The following PID1 variants were observed in gnomAD, a reference collection of about 807,000 sequenced individuals.
The protein encoded by PID1 is PTB-containing, cubilin and LRP1-interacting protein.
Under a neutral mutation model 19.1 loss-of-function variants are expected in PID1, and 10 were observed. The observed-to-expected ratio is 0.52, with a 90% CI of 0.32 to 0.89. The LOEUF is 0.89. Ranked by LOEUF, PID1 falls within the 40% of genes least tolerant of loss-of-function variation. PID1 has a pLI of 0.03. For missense variants in PID1, 248 were observed against 285.3 expected, an observed-to-expected ratio of 0.87 and a Z score of 0.94; for synonymous variants, 130 against 116.0, an observed-to-expected ratio of 1.12 and a Z score of -0.78.
chr2:229,220,787 AAATC>A (rs1691951176), intron 1 of PID1, among the ~76,000 whole-genome samples: 1 of 152,214 alleles, frequency 6.6e-6, no homozygotes, highest in Non-Finnish European at 1.5e-5. Flanking sequence ...AAAACTAAAT[AAATC>A]AAACAGTAAT....
intron 1 of PID1, among the ~76,000 whole-genome samples, chr2:229,265,010 C>G (rs1690556048): frequency 6.6e-6 from 1 of 152,216 alleles, no homozygotes; most frequent in East Asian, 1.9e-4. Context: ...ATACCAAAAT[C>G]TCTGCAAAGC....
intron 2 of PID1, among the ~76,000 whole-genome samples, chr2:229,074,718 A>C (rs1694523535): frequency 1.3e-5 from 2 of 152,220 alleles, no homozygotes. Context: ...TATCAAATAG[A>C]TTTCAGAAAT....
chr2:229,149,715 C>CGGCTTT (rs1319090804), intron 2 of PID1, among the ~76,000 whole-genome samples: 2 of 152,146 alleles, frequency 1.3e-5, no homozygotes, highest in African/African-American at 4.8e-5. Flanking sequence ...ATGACCGTAG[C>CGGCTTT]GGCTTTAGAC....
intron 2 of PID1, among the ~76,000 whole-genome samples, chr2:229,125,405 CA>C (rs5839305): frequency 0.75 from 107,868 of 144,390 alleles, 40,023 homozygotes; most frequent in East Asian, 0.98. Context: ...TTCAAGTAGC[CA>C]AAAAAAAAAA....
At chr2:229,259,114 T>A (rs914762769) in intron 1 of PID1, among the ~76,000 whole-genome samples, 4 of 152,018 alleles carry the variant, frequency 2.6e-5, no homozygotes, top group Non-Finnish European at 5.9e-5. Context: ...CATTATGATT[T>A]TAATTCACAT....
At chr2:229,199,613 A>G (rs1439418511) in intron 1 of PID1, among the ~76,000 whole-genome samples, 1 of 151,796 alleles carries the variant, frequency 6.6e-6, no homozygotes, top group Non-Finnish European at 1.5e-5. Flanking sequence ...ACTAGGAAGC[A>G]TTGGATTTAT....
At chr2:229,186,065 A>G (rs1445954326) in intron 1 of PID1, among the ~76,000 whole-genome samples, 4 of 152,190 alleles carry the variant, frequency 2.6e-5, no homozygotes, top group African/African-American at 9.7e-5. Context: ...GCCAAAACAA[A>G]GGGACTACAT....
At chr2:229,064,497 T>C (rs1208602835) in intron 2 of PID1, among the ~76,000 whole-genome samples, 2 of 152,190 alleles carry the variant, frequency 1.3e-5, no homozygotes, top group East Asian at 3.8e-4. Flanking sequence ...TAGACATTAT[T>C]GTTTTTCAAG....
chr2:229,066,612 G>A (rs926000361), intron 2 of PID1, among the ~76,000 whole-genome samples: 1 of 151,856 alleles, frequency 6.6e-6, no homozygotes, highest in Non-Finnish European at 1.5e-5. Context: ...ATGATACTTG[G>A]GCTGGATTTG....
chr2:229,192,113 C>A (rs1280431225), intron 1 of PID1, among the ~76,000 whole-genome samples: 1 of 151,358 alleles, frequency 6.6e-6, no homozygotes, highest in African/African-American at 2.4e-5. Flanking sequence ...AAAGCCAAAC[C>A]AAAAAAATAC....
intron 1 of PID1, chr2:229,228,062 T>C (rs781045636): frequency 3.3e-5 from 15 of 455,862 alleles, no homozygotes; most frequent in Middle Eastern, 3.3e-4. Context: ...GCAGCAGCCA[T>C]CCTGCAACCA....
chr2:229,262,557 A>G, intron 1 of PID1: 2 of 1,367,308 alleles, frequency 1.5e-6, no homozygotes, highest in East Asian at 2.6e-5. Context: ...CCTACATCAC[A>G]GAAGTAGAGT....
chr2:229,201,493 G>A (rs1370382153), intron 1 of PID1, among the ~76,000 whole-genome samples: 1 of 151,984 alleles, frequency 6.6e-6, no homozygotes, highest in African/African-American at 2.4e-5. Context: ...TCCACTGTAT[G>A]GATTTACCAC....
intron 2 of PID1, among the ~76,000 whole-genome samples, chr2:229,138,305 T>C (rs924727703): frequency 6.6e-6 from 1 of 152,194 alleles, no homozygotes; most frequent in Non-Finnish European, 1.5e-5. Context: ...TCAGTGCTTA[T>C]AAAAATTGTA....
intron 1 of PID1, among the ~76,000 whole-genome samples, chr2:229,197,519 A>G (rs1691402936): frequency 1.3e-5 from 2 of 152,014 alleles, no homozygotes; most frequent in South Asian, 2.1e-4. Flanking sequence ...ATGTAATCGC[A>G]TATTATGAAT....
At chr2:229,231,872 G>T in intron 1 of PID1, 2 of 1,548,130 alleles carry the variant, frequency 1.3e-6, no homozygotes, top group South Asian at 2.4e-5. Context: ...CTGCTATAAC[G>T]AAATACCACA....
chr2:229,204,245 A>G (rs558026304), intron 1 of PID1, among the ~76,000 whole-genome samples: 1 of 152,232 alleles, frequency 6.6e-6, no homozygotes, highest in Non-Finnish European at 1.5e-5. Context: ...GAGCGTGACA[A>G]GCAAGAAATG....
At chr2:229,092,442 A>G (rs897573302) in intron 2 of PID1, among the ~76,000 whole-genome samples, 1 of 152,192 alleles carries the variant, frequency 6.6e-6, no homozygotes, top group African/African-American at 2.4e-5. Context: ...TGATGGAGAA[A>G]CTAGCCAAAG....
intron 2 of PID1, among the ~76,000 whole-genome samples, chr2:229,029,473 T>G (rs930946900): frequency 1.3e-5 from 2 of 152,064 alleles, no homozygotes; most frequent in South Asian, 4.1e-4. Flanking sequence ...TTGGAATTCA[T>G]GTATCCTGTC....
Sources: allele counts gnomAD v4.1 joint callset (sites outside exome capture counted in the v4.1 genomes callset), GRCh38; gene constraint gnomAD v4.1.1; transcripts MANE v1.5; gene names NCBI Gene and HGNC (gene_info 2026-07-23, HGNC 2026-07-21).